FAM180B: variants seen among roughly 807,000 people sequenced by gnomAD.
The protein encoded by FAM180B is protein FAM180B.
Under a neutral mutation model 13.6 loss-of-function variants are expected in FAM180B, and 14 were observed. That is an observed-to-expected ratio of 1.03 (90% CI 0.68 to 1.60). The LOEUF (loss-of-function observed/expected upper bound fraction) is 1.60. Ranked by LOEUF, FAM180B falls within the 40% of genes most tolerant of loss-of-function variation. FAM180B has a pLI of 0.00. For missense variants in FAM180B, 212 were observed against 230.4 expected, an observed-to-expected ratio of 0.92 and a Z score of 0.52; for synonymous variants, 109 against 97.0, an observed-to-expected ratio of 1.12 and a Z score of -0.72.
chr11:47,587,844 A>C, intron 2 of FAM180B, 23 bp downstream of exon 2: 1 of 1,518,260 alleles, frequency 6.6e-7, no homozygotes, highest in Non-Finnish European at 8.8e-7. Flanking sequence ...AGCCTGGGAC[A>C]TGGGGGTGGG....
Position 47,587,820 on chromosome 11 carries a change from A to C in FAM180B, c.155A>C (p.Glu52Ala). The change falls in exon 2 of 3, where the codon GAG becomes GCG. Residue 52 changes from glutamate (E) to alanine (A), a missense_variant and splice_region_variant. Coordinates refer to ENST00000538490, the MANE Select transcript of FAM180B (RefSeq NM_001164379.3). ...CCAGAGGCCCCGGAAGTGATGTTTG[A>C]GGTCTTTCCTCCCAGCCTGGGACAT... ...QEPEAPEVMF[E>A]LLWAGLELDV... 1.3e-6 allele frequency: 2 copies of C among 1,533,522 alleles called. No homozygotes were observed. Among genetic ancestry groups the C allele is most frequent in the Non-Finnish European group, 1.7e-6 (2 of 1,144,864 alleles). 95.0% of individuals were successfully genotyped at this position (1,533,522 alleles called of 1,614,324 possible). A position where few individuals can be genotyped will look rare whatever the true frequency, so the allele number is the denominator to read the frequency against.
chr11:47,586,682 T>G lies in FAM180B; in HGVS notation c.-87T>G. 1 of 948,398 alleles carries G rather than the reference T, an allele frequency of 1.1e-6. No individual in the cohort carries two copies. Among genetic ancestry groups the G allele is most frequent in the Non-Finnish European group, 1.6e-6 (1 of 608,696 alleles). 58.7% of individuals were successfully genotyped at this position (948,398 alleles called of 1,614,324 possible). ...TACAGAGCTCTGGAGCAGCCCGCAGTGGAAAGTTGGAGCTGAGGTGTGTGG... is the reference window on the plus strand; with the variant it reads ...TACAGAGCTCTGGAGCAGCCCGCAGGGGAAAGTTGGAGCTGAGGTGTGTGG... On this transcript the variant is annotated 5_prime_UTR_variant, in exon 1 of 3. Coordinates refer to ENST00000538490, the MANE Select transcript of FAM180B (RefSeq NM_001164379.3).
Position 47,588,593 on chromosome 11 carries a change from T to C in FAM180B, c.*159T>C. 1.8e-6 allele frequency: 1 copy of C among 563,784 alleles called. No homozygotes were observed. Among genetic ancestry groups the C allele is most frequent in the Non-Finnish European group, 3.1e-6 (1 of 318,306 alleles). The allele number at this position is 563,784 out of a possible 1,614,324, so 34.9% of individuals were successfully genotyped here. A position where few individuals can be genotyped will look rare whatever the true frequency, so the allele number is the denominator to read the frequency against. ...GCTTGCACCCTGGACACCCCCTCTC[T>C]GCTTACCCCGACCAGATCTTGTTTC... On this transcript the variant is annotated 3_prime_UTR_variant, in exon 3 of 3. Transcript: ENST00000538490.
In FAM180B at chr11:47,586,985, T is replaced by C. The variant is rs529133050; in HGVS notation, c.85+132T>C. ...GGTACCAGGCTGATGTGTGCTGTGG[T>C]GGGTGACAGTGTGGGCCCCACCCCC... On this transcript the variant is annotated intron_variant, in intron 1 of 2. Transcript: ENST00000538490. 9.4e-5 allele frequency: 63 copies of C among 670,240 alleles called. 1 individual carries two copies. The highest frequency in any genetic ancestry group is 5.2e-4 in the Admixed American group (24 of 46,016). 41.5% of individuals were successfully genotyped at this position (670,240 alleles called of 1,614,324 possible). A position where few individuals can be genotyped will look rare whatever the true frequency, so the allele number is the denominator to read the frequency against.
rs1555199624 is a variant in FAM180B at position 47,588,719 on chromosome 11, A to ACAGT, written c.*285_*286insCAGT. 9.4e-6 allele frequency: 2 copies of ACAGT among 212,338 alleles called. No individual in the cohort carries two copies. The highest frequency in any genetic ancestry group is 1.0e-4 in the South Asian group (1 of 9,786). 13.2% of individuals were successfully genotyped at this position (212,338 alleles called of 1,614,324 possible). A position where few individuals can be genotyped will look rare whatever the true frequency, so the allele number is the denominator to read the frequency against. Reference sequence around the variant, plus strand: ...ACGACTTGCAGGCAGTGTGTGTGTGAGTGTGTGTGTGTGTGTGTGTGTGTG... The same window carrying ACAGT: ...ACGACTTGCAGGCAGTGTGTGTGTGACAGTGTGTGTGTGTGTGTGTGTGTGTGTG... On this transcript the variant is annotated 3_prime_UTR_variant, in exon 3 of 3. Coordinates refer to ENST00000538490, the MANE Select transcript of FAM180B (RefSeq NM_001164379.3).
chr11:47,586,966 A>G, intron 1 of FAM180B, 113 bp downstream of exon 1: 1 of 722,098 alleles, frequency 1.4e-6, no homozygotes, highest in Non-Finnish European at 2.4e-6. Flanking sequence ...GGTGGGTACC[A>G]GGCTGATGTG....
chr11:47,588,504 A>C lies in FAM180B; in HGVS notation c.*70A>C. 2.8e-6 allele frequency: 2 copies of C among 711,142 alleles called. No homozygotes were observed. Among genetic ancestry groups the C allele is most frequent in the Non-Finnish European group, 4.6e-6 (2 of 439,008 alleles). The allele number at this position is 711,142 out of a possible 1,614,324, so 44.1% of individuals were successfully genotyped here. A position where few individuals can be genotyped will look rare whatever the true frequency, so the allele number is the denominator to read the frequency against. ...CCTCCTCAACCCCCCAGGCAGACCC[A>C]TCTTGCGCAGGGGCTTCTGTCTGGC... On this transcript the variant is annotated 3_prime_UTR_variant, in exon 3 of 3. Transcript: ENST00000538490.
Position 47,588,516 on chromosome 11 carries a change from G to C in FAM180B, c.*82G>C. ...CCCAGGCAGACCCATCTTGCGCAGG[G>C]GCTTCTGTCTGGCATCTGATTCTTT... On this transcript the variant is annotated 3_prime_UTR_variant, in exon 3 of 3. Transcript: ENST00000538490. 1 of 668,744 alleles carries C rather than the reference G, an allele frequency of 1.5e-6. No homozygotes were observed. 41.4% of individuals were successfully genotyped at this position (668,744 alleles called of 1,614,324 possible). A position where few individuals can be genotyped will look rare whatever the true frequency, so the allele number is the denominator to read the frequency against.
At chr11:47,586,884 C>T in intron 1 of FAM180B, 31 bp downstream of exon 1, 3 of 1,453,164 alleles carry the variant, frequency 2.1e-6, no homozygotes, top group Admixed American at 2.0e-5. Context: ...TGGAGAGGAG[C>T]CAAGGCTGCT....
chr11:47,587,868 C>A, intron 2 of FAM180B, 47 bp downstream of exon 2: 2 of 1,480,490 alleles, frequency 1.4e-6, no homozygotes, highest in Admixed American at 2.2e-5. Flanking sequence ...GTCCAGAGGT[C>A]CCTAAGCTCA....
At chr11:47,588,016 C>T in intron 2 of FAM180B, 23 bp from the exon 3 acceptor site, 1 of 1,514,942 alleles carries the variant, frequency 6.6e-7, no homozygotes, top group South Asian at 1.2e-5. Context: ...CACAGCCCAC[C>T]CCTTACATGG....
chr11:47,588,719 A>AGTGTGT lies in FAM180B; in HGVS notation c.*317_*322dup, dbSNP rs58699057. The stretch of plus-strand genomic sequence containing the variant: ...ACGACTTGCAGGCAGTGTGTGTGTG[A>AGTGTGT]GTGTGTGTGTGTGTGTGTGTGTGTG... On this transcript the variant is annotated 3_prime_UTR_variant, in exon 3 of 3. Transcript: ENST00000538490. The AGTGTGT allele has an allele frequency of 1.0e-3, 214 of 213,758 alleles. No homozygotes were observed. Among genetic ancestry groups the AGTGTGT allele is most frequent in the African/African-American group, 4.6e-3 (180 of 39,480 alleles). 13.2% of individuals were successfully genotyped at this position (213,758 alleles called of 1,614,324 possible).
chr11:47,587,547 G>A (rs192700708), intron 1 of FAM180B, among the ~76,000 whole-genome samples: 1 of 152,302 alleles, frequency 6.6e-6, no homozygotes, highest in East Asian at 1.9e-4. Flanking sequence ...GAGATCAGAG[G>A]ACCTATGCCT....
At position 47,587,848 on chromosome 11, in the gene FAM180B, G is replaced by A. The variant is rs934047547; in HGVS notation, c.156+27G>A. On this transcript the variant is annotated intron_variant, in intron 2 of 2. Transcript: ENST00000538490. ...TCTTTCCTCCCAGCCTGGGACATGG[G>A]GGTGGGCACGTCCAGAGGTCCCTAA... is the stretch of plus-strand genomic sequence containing the variant. The A allele has an allele frequency of 7.3e-6, 11 of 1,512,762 alleles. No homozygotes were observed. The African/African-American group carries it at 1.1e-4, about 15-fold the overall frequency. 93.7% of individuals were successfully genotyped at this position (1,512,762 alleles called of 1,614,324 possible). A position where few individuals can be genotyped will look rare whatever the true frequency, so the allele number is the denominator to read the frequency against.
chr11:47,586,751 CAG>C lies in FAM180B; in HGVS notation c.-15_-14del, dbSNP rs1333501553. 6.5e-7 allele frequency: 1 copy of C among 1,530,738 alleles called. No individual in the cohort carries two copies. The highest frequency in any genetic ancestry group is 1.2e-5 in the South Asian group (1 of 83,924). 94.8% of individuals were successfully genotyped at this position (1,530,738 alleles called of 1,614,324 possible). A position where few individuals can be genotyped will look rare whatever the true frequency, so the allele number is the denominator to read the frequency against. Reference sequence around the variant, plus strand: ...GAGAACTGCTGAACAGAGTGAGACTCAGAGGACGTGGTTGAGCATGGCTGCGA... The same window carrying C: ...GAGAACTGCTGAACAGAGTGAGACTCAGGACGTGGTTGAGCATGGCTGCGA... On this transcript the variant is annotated 5_prime_UTR_variant, in exon 1 of 3. Coordinates refer to ENST00000538490, the MANE Select transcript of FAM180B (RefSeq NM_001164379.3).
chr11:47,588,205 G>A lies in FAM180B; in HGVS notation c.323G>A (p.Arg108Gln), dbSNP rs745913487. ...EQWLQQLQDL[R>Q]KGPPLSTWDF... ...TGGCTGCAGCAGCTCCAGGACCTGC[G>A]GAAGGGGCCTCCTCTTAGCACTTGG... The change falls in exon 3 of 3, where the codon CGG becomes CAG. Residue 108 changes from arginine to glutamine, a missense_variant. By Grantham distance (43) the Arg-to-Gln change is conservative (BLOSUM62 1). Transcript: ENST00000538490. 16 of 1,536,992 alleles carry A rather than the reference G, an allele frequency of 1.0e-5. No homozygotes were observed. The highest frequency in any genetic ancestry group is 4.1e-5 in the African/African-American group (3 of 73,022).
Position 47,588,530 on chromosome 11 carries a change from A to G in FAM180B, c.*96A>G. 1.6e-6 allele frequency: 1 copy of G among 629,610 alleles called. No homozygotes were observed. Among genetic ancestry groups the G allele is most frequent in the Non-Finnish European group, 2.7e-6 (1 of 367,734 alleles). 39.0% of individuals were successfully genotyped at this position (629,610 alleles called of 1,614,324 possible). A position where few individuals can be genotyped will look rare whatever the true frequency, so the allele number is the denominator to read the frequency against. On this transcript the variant is annotated 3_prime_UTR_variant, in exon 3 of 3. Transcript: ENST00000538490. Reference sequence around the variant, plus strand: ...TCTTGCGCAGGGGCTTCTGTCTGGCATCTGATTCTTTTCACCGTGTTCAGA... The same window carrying G: ...TCTTGCGCAGGGGCTTCTGTCTGGCGTCTGATTCTTTTCACCGTGTTCAGA...
At position 47,588,567 on chromosome 11, in the gene FAM180B, G is replaced by A; in HGVS notation, c.*133G>A. On this transcript the variant is annotated 3_prime_UTR_variant, in exon 3 of 3. Coordinates refer to ENST00000538490, the MANE Select transcript of FAM180B (RefSeq NM_001164379.3). ...TCACCGTGTTCAGATCTCTGGGCTT[G>A]GCTTGCACCCTGGACACCCCCTCTC... The A allele has an allele frequency of 1.7e-6, 1 of 585,008 alleles. No homozygotes were observed. The highest frequency in any genetic ancestry group is 3.0e-6 in the Non-Finnish European group (1 of 332,850). 36.2% of individuals were successfully genotyped at this position (585,008 alleles called of 1,614,324 possible).
At chr11:47,587,990 G>T in intron 2 of FAM180B, 49 bp from the exon 3 acceptor site, 1 of 1,490,886 alleles carries the variant, frequency 6.7e-7, no homozygotes, top group Non-Finnish European at 8.9e-7. Context: ...CTTGCTCCCT[G>T]CCCTGCTCCC....
Sources: gnomAD v4.1 joint callset for allele counts (sites outside exome capture counted in the v4.1 genomes callset) on GRCh38, gnomAD v4.1.1 for gene constraint, MANE v1.5 for transcripts, NCBI Gene and HGNC (gene_info 2026-07-23, HGNC 2026-07-21) for gene names.